The following ZMYND8 variants were observed in gnomAD, a reference collection of about 807,000 sequenced individuals.
ZMYND8 encodes the protein MYND-type zinc finger-containing chromatin reader ZMYND8.
Under a neutral mutation model 140.8 loss-of-function variants are expected in ZMYND8, and 37 were observed. The observed-to-expected ratio is 0.26, with a 90% CI of 0.20 to 0.35. The LOEUF (loss-of-function observed/expected upper bound fraction) is 0.35. Among genes scored for constraint, ZMYND8 ranks in the 10% least tolerant of loss-of-function variants. ZMYND8 has a pLI of 1.00. For synonymous variants in ZMYND8, 592 were observed against 597.1 expected (o/e 0.99, Z 0.12); for missense variants, 1,068 against 1,570.0 (o/e 0.68, Z 5.40).
intron 4 of ZMYND8, 130 bp from the exon 5 acceptor site, chr20:47,294,909 A>C (rs1319325735): frequency 1.3e-6 from 1 of 795,728 alleles, no homozygotes; most frequent in Non-Finnish European, 2.1e-6. Context: ...TTGTTGTTTC[A>C]CTTAGCAAAG....
In ZMYND8 at chr20:47,238,793, T is replaced by C; in HGVS notation, c.2630A>G (p.Gln877Arg). Residue 877 changes from glutamine (Q) to arginine (R), a missense_variant, in exon 15 of 23, where the codon CAG becomes CGG. Physicochemically the swap from Gln to Arg is conservative, Grantham distance 43. Transcript: ENST00000471951. ...CTGTCTGGTCTGATATCTCGTCCCC[T>C]GGGAAGACTGAGGCTGCTGCTGCTG... ...QNQQQQPQSS[Q>R]GTRYQTRQAV... 1 of 1,613,016 alleles carries C rather than the reference T, an allele frequency of 6.2e-7. No individual in the cohort carries two copies.
At chr20:47,229,658 T>A in intron 17 of ZMYND8, 68 bp downstream of exon 17, 1 of 1,485,898 alleles carries the variant, frequency 6.7e-7, no homozygotes. Context: ...AGCTTCTTCA[T>A]GGTACCACCT....
chr20:47,224,559 G>A lies in ZMYND8; in HGVS notation c.3017-3C>T. 1 of 1,612,602 alleles carries A rather than the reference G, an allele frequency of 6.2e-7. No individual in the cohort carries two copies. Among genetic ancestry groups the A allele is most frequent in the Non-Finnish European group, 8.5e-7 (1 of 1,180,034 alleles). ...CCGCATCTCCGCCATGGTCAGCTCT[G>A]GTGGAGGAGGGGAAGAACACCGCTC... On this transcript the variant is annotated splice_polypyrimidine_tract_variant and splice_region_variant and intron_variant, in intron 18 of 22. Coordinates refer to ENST00000471951, the MANE Select transcript of ZMYND8 (RefSeq NM_001281775.3).
intron 9 of ZMYND8, 61 bp from the exon 10 acceptor site, chr20:47,282,278 A>G: frequency 1.4e-6 from 2 of 1,458,976 alleles, no homozygotes; most frequent in Non-Finnish European, 1.9e-6. Flanking sequence ...TACTCACTAA[A>G]GTTTGGTATG....
chr20:47,276,819 A>C, intron 10 of ZMYND8, 24 bp from the exon 11 acceptor site: 1 of 1,536,250 alleles, frequency 6.5e-7, no homozygotes, highest in South Asian at 1.3e-5. Context: ...AGATAAAGAG[A>C]GTTTAAGTCA....
chr20:47,234,897 T>C (rs1461057776), intron 16 of ZMYND8, among the ~76,000 whole-genome samples: 3 of 152,244 alleles, frequency 2.0e-5, no homozygotes, highest in East Asian at 3.9e-4. Context: ...CCCAACACTT[T>C]GGGAGGACTA....
chr20:47,223,222 T>C (rs753271026), intron 19 of ZMYND8, among the ~76,000 whole-genome samples: 15 of 152,190 alleles, frequency 9.9e-5, no homozygotes, highest in Non-Finnish European at 2.1e-4. Context: ...AAATAACTTA[T>C]AGGCTGGGCG....
chr20:47,347,208 G>A (rs2082409072), intron 2 of ZMYND8, among the ~76,000 whole-genome samples: 1 of 152,176 alleles, frequency 6.6e-6, no homozygotes, highest in Non-Finnish European at 1.5e-5. Flanking sequence ...CACCCTGAAG[G>A]TAAAAGTGAA....
At chr20:47,239,586 G>T (rs1477322226) in intron 14 of ZMYND8, among the ~76,000 whole-genome samples, 2 of 152,228 alleles carry the variant, frequency 1.3e-5, no homozygotes, top group Non-Finnish European at 2.9e-5. Flanking sequence ...GCTAGGGAAC[G>T]TAGAAAGCAA....
intron 2 of ZMYND8, among the ~76,000 whole-genome samples, chr20:47,316,090 T>C (rs1384795825): frequency 6.6e-6 from 1 of 152,172 alleles, no homozygotes; most frequent in African/African-American, 2.4e-5. Context: ...CCCAGCACTT[T>C]GGGAGGCCAA....
chr20:47,328,131 T>A (rs144049788), intron 2 of ZMYND8, among the ~76,000 whole-genome samples: 9 of 152,116 alleles, frequency 5.9e-5, no homozygotes, highest in Non-Finnish European at 1.2e-4. Context: ...AAATCTAAAC[T>A]TGAAAGGCCC....
rs2039602794 is a variant in ZMYND8 at position 47,238,955 on chromosome 20, C to T, written c.2468G>A (p.Arg823Lys). 2 of 1,613,032 alleles carry T rather than the reference C, an allele frequency of 1.2e-6. No homozygotes were observed. The highest frequency in any genetic ancestry group is 4.5e-5 in the East Asian group (2 of 44,860). ...GGCAGTCTCCTTCGGTAAAAGCGGC[C>T]TCTGCTTTTTCACTGGGCTTCCTGT... ...AATGSPVKKQ[R>K]PLLPKETAPA... The change falls in exon 15 of 23, where the codon AGG becomes AAG. Residue 823 changes from arginine (R) to lysine (K), a missense_variant. Around this residue, in one of 10 missense-constraint regions of ZMYND8, gnomAD observed 383 missense variants for 431.2 expected, o/e 0.89. Coordinates refer to ENST00000471951, the MANE Select transcript of ZMYND8 (RefSeq NM_001281775.3).
intron 10 of ZMYND8, among the ~76,000 whole-genome samples, chr20:47,280,131 A>C: frequency 7.0e-6 from 1 of 142,856 alleles, no homozygotes. Context: ...CTCCAAAAAA[A>C]AAAAAAAAAA....
At chr20:47,330,696 CAG>C (rs1364644400) in intron 2 of ZMYND8, among the ~76,000 whole-genome samples, 1 of 152,142 alleles carries the variant, frequency 6.6e-6, no homozygotes. Context: ...TTGCAGAGAA[CAG>C]ACACTTGAGC....
chr20:47,328,891 A>G (rs1419012725), intron 2 of ZMYND8, among the ~76,000 whole-genome samples: 1 of 152,220 alleles, frequency 6.6e-6, no homozygotes, highest in East Asian at 1.9e-4. Context: ...AGAGACACAC[A>G]GGTAAATGCA....
intron 2 of ZMYND8, among the ~76,000 whole-genome samples, chr20:47,329,620 T>A (rs560625633): frequency 2.0e-5 from 3 of 152,010 alleles, no homozygotes; most frequent in Admixed American, 6.6e-5. Flanking sequence ...GTCAGGCTGG[T>A]CTCAAACTCC....
At chr20:47,349,731 T>C (rs879250182) in intron 1 of ZMYND8, 1 of 1,281,846 alleles carries the variant, frequency 7.8e-7, no homozygotes, top group African/African-American at 1.5e-5. Context: ...GCATGAAGTA[T>C]GTGAAATTCT....
At chr20:47,256,990 GA>G (rs1424436745) in intron 12 of ZMYND8, among the ~76,000 whole-genome samples, 1 of 152,180 alleles carries the variant, frequency 6.6e-6, no homozygotes, top group East Asian at 1.9e-4. Context: ...GGGATCATCA[GA>G]GAAAGCAAAC....
chr20:47,259,616 C>A (rs1180129581), intron 12 of ZMYND8, among the ~76,000 whole-genome samples: 1 of 152,096 alleles, frequency 6.6e-6, no homozygotes, highest in East Asian at 1.9e-4. Context: ...GGCTCCAGGG[C>A]AACACACTCC....
Sources: allele counts gnomAD v4.1 joint callset (sites outside exome capture counted in the v4.1 genomes callset), GRCh38; gene constraint gnomAD v4.1.1; regional missense constraint gnomAD v4.1.1; transcripts MANE v1.5; gene names NCBI Gene and HGNC (gene_info 2026-07-23, HGNC 2026-07-21).